The following CPPED1 variants were observed in gnomAD, a reference collection of about 807,000 sequenced individuals.
The protein encoded by CPPED1 is serine/threonine-protein phosphatase CPPED1.
A neutral mutation model predicts 28.0 loss-of-function variants in CPPED1; 28 were observed. The observed-to-expected ratio is 1.00, with a 90% CI of 0.74 to 1.37. CPPED1 has a LOEUF of 1.37. Ranked by LOEUF, CPPED1 falls within the 40% of genes most tolerant of loss-of-function variation. CPPED1 has a pLI of 0.00. For missense variants in CPPED1, 504 were observed against 416.5 expected (o/e 1.21, Z -1.83); for synonymous variants, 198 against 180.2 (o/e 1.10, Z -0.79).
At chr16:12,671,098 G>A (rs1026210526) in intron 3 of CPPED1, among the ~76,000 whole-genome samples, 4 of 152,094 alleles carry the variant, frequency 2.6e-5, no homozygotes, top group African/African-American at 9.7e-5. Flanking sequence ...TGATCCACCT[G>A]CCTTGGCCTC....
intron 2 of CPPED1, among the ~76,000 whole-genome samples, chr16:12,740,425 A>G (rs539432730): frequency 7.8e-4 from 118 of 151,452 alleles, no homozygotes; most frequent in African/African-American, 2.6e-3. Flanking sequence ...AACCTGGGCA[A>G]CAGAACGAGA....
At chr16:12,794,940 T>A (rs1205347450) in intron 1 of CPPED1, among the ~76,000 whole-genome samples, 1 of 152,220 alleles carries the variant, frequency 6.6e-6, no homozygotes, top group African/African-American at 2.4e-5. Context: ...CCAGGCGGCT[T>A]TTGGCATCAC....
At chr16:12,689,082 G>C (rs2079948658) in intron 3 of CPPED1, among the ~76,000 whole-genome samples, 1 of 152,144 alleles carries the variant, frequency 6.6e-6, no homozygotes, top group Non-Finnish European at 1.5e-5. Context: ...AATGACAAGA[G>C]TTAAATGAAC....
intron 3 of CPPED1, among the ~76,000 whole-genome samples, chr16:12,698,706 C>T (rs940960803): frequency 6.6e-6 from 1 of 152,200 alleles, no homozygotes; most frequent in Non-Finnish European, 1.5e-5. Context: ...GCCGGGATTA[C>T]AGGTGTGAGC....
chr16:12,763,318 G>A (rs1437152380), intron 2 of CPPED1, among the ~76,000 whole-genome samples: 3 of 151,860 alleles, frequency 2.0e-5, no homozygotes, highest in Non-Finnish European at 4.4e-5. Context: ...CCCGAGGCCT[G>A]CCTCAGCCTC....
At chr16:12,753,339 C>G (rs2080343062) in intron 2 of CPPED1, 1 of 152,120 alleles carries the variant, frequency 6.6e-6, no homozygotes. Context: ...GATGTCAACG[C>G]ATCTCATTCA....
At chr16:12,767,075 G>T (rs1413991342) in intron 2 of CPPED1, among the ~76,000 whole-genome samples, 1 of 152,036 alleles carries the variant, frequency 6.6e-6, no homozygotes, top group Non-Finnish European at 1.5e-5. Context: ...ACACAGATAT[G>T]TAAGAGGAGG....
chr16:12,756,811 C>T (rs181724537), intron 2 of CPPED1, among the ~76,000 whole-genome samples: 1,528 of 152,256 alleles, frequency 0.01, 18 homozygotes, highest in Non-Finnish European at 0.017. Flanking sequence ...TTAAGGGTCC[C>T]TATGGAAGTT....
chr16:12,693,370 G>A (rs1454737221), intron 3 of CPPED1, among the ~76,000 whole-genome samples: 1 of 151,984 alleles, frequency 6.6e-6, no homozygotes. Context: ...CATTTTTTGT[G>A]TTTTTTTGTA....
In CPPED1 at chr16:12,682,288, G is replaced by C. The variant is rs867426280; in HGVS notation, c.716-17173C>G. Among the ~76,000 whole-genome samples the C allele has an allele frequency of 1.3e-5, 2 of 151,958 alleles. No homozygotes were observed. The highest frequency in any genetic ancestry group is 2.9e-5 in the Non-Finnish European group (2 of 68,008). On this transcript the variant is annotated intron_variant, in intron 3 of 3. Coordinates refer to ENST00000381774, the MANE Select transcript of CPPED1 (RefSeq NM_018340.3). This position sits in a 1 kb window ranked among gnomAD's most constrained non-coding sequence, Gnocchi z 6.1. The stretch of plus-strand genomic sequence containing the variant: ...GAACTCAGGTGATCGACCCACTTTG[G>C]TCTCCCAAAAGTGCTGAGATTACAG...
chr16:12,724,038 A>G (rs193219283), intron 2 of CPPED1, among the ~76,000 whole-genome samples: 4 of 152,132 alleles, frequency 2.6e-5, no homozygotes, highest in Admixed American at 1.3e-4. Flanking sequence ...CTTTGCCTAA[A>G]TCAGAGCATA....
At chr16:12,793,771 G>C (rs2080610480) in intron 1 of CPPED1, among the ~76,000 whole-genome samples, 1 of 152,270 alleles carries the variant, frequency 6.6e-6, no homozygotes, top group Middle Eastern at 3.4e-3. Flanking sequence ...TGGTGGGGCT[G>C]AGAAAACATC....
At chr16:12,752,608 T>C (rs1479397542) in intron 2 of CPPED1, among the ~76,000 whole-genome samples, 1 of 147,596 alleles carries the variant, frequency 6.8e-6, no homozygotes, top group Non-Finnish European at 1.5e-5. Flanking sequence ...AATTTATATA[T>C]ATAGTATATA....
At chr16:12,744,707 G>A (rs923916986) in intron 2 of CPPED1, among the ~76,000 whole-genome samples, 4 of 152,164 alleles carry the variant, frequency 2.6e-5, no homozygotes, top group African/African-American at 4.8e-5. Flanking sequence ...GAAGCCAGGC[G>A]TGGTGACTCA....
At chr16:12,796,638 T>C (rs375623232) in intron 1 of CPPED1, among the ~76,000 whole-genome samples, 16 of 152,268 alleles carry the variant, frequency 1.1e-4, no homozygotes, top group African/African-American at 3.4e-4. Flanking sequence ...GAATGTAAAA[T>C]GGCGCATCTG....
chr16:12,794,113 A>G (rs1032152871), intron 1 of CPPED1, among the ~76,000 whole-genome samples: 5 of 152,066 alleles, frequency 3.3e-5, no homozygotes, highest in African/African-American at 1.2e-4. Flanking sequence ...TGACTTAACA[A>G]TCGTAATGTC....
At chr16:12,685,644 G>C (rs957272994) in intron 3 of CPPED1, among the ~76,000 whole-genome samples, 5 of 152,100 alleles carry the variant, frequency 3.3e-5, no homozygotes. Flanking sequence ...TTTGGAGACA[G>C]TGCTGGTTGC....
chr16:12,713,828 G>A (rs775267767), intron 2 of CPPED1, among the ~76,000 whole-genome samples: 2 of 147,634 alleles, frequency 1.4e-5, no homozygotes, highest in African/African-American at 5.1e-5. Flanking sequence ...TCCTCTGAAG[G>A]TATGTTTTTA....
chr16:12,662,512 C>G lies in CPPED1; in HGVS notation c.*2374G>C, dbSNP rs955820095. 2 of 152,234 alleles carry G rather than the reference C, an allele frequency of 1.3e-5. No homozygotes were observed. The highest frequency in any genetic ancestry group is 2.9e-5 in the Non-Finnish European group (2 of 68,050). The allele number at this position is 152,234 out of a possible 1,614,324, so 9.4% of individuals were successfully genotyped here. On this transcript the variant is annotated 3_prime_UTR_variant, in exon 4 of 4. Coordinates refer to ENST00000381774, the MANE Select transcript of CPPED1 (RefSeq NM_018340.3). The stretch of plus-strand genomic sequence containing the variant: ...CCAGAAAAGTGTACACTGTACCCAT[C>G]AGGTACTTTCTCATCCCTTACCCTC...
Sources: allele counts gnomAD v4.1 joint callset (sites outside exome capture counted in the v4.1 genomes callset), GRCh38; gene constraint gnomAD v4.1.1; non-coding constraint Gnocchi (gnomAD v3.1); transcripts MANE v1.5; gene names NCBI Gene and HGNC (gene_info 2026-07-23, HGNC 2026-07-21).